The following IGSF21 variants were observed in gnomAD, a reference collection of about 807,000 sequenced individuals.
IGSF21 encodes the protein immunoglobin superfamily member 21, also known as immunoglobulin superfamily member 21.
Under a neutral mutation model 46.8 loss-of-function variants are expected in IGSF21, and 28 were observed. The ratio of observed to expected loss-of-function variants is 0.60; its 90% confidence interval spans 0.44 to 0.82. The LOEUF is 0.82. IGSF21 is among the 40% of genes least tolerant of loss of function. The probability of loss-of-function intolerance (pLI) is 0.00; values close to 1 mark genes in which losing one functional copy is unlikely to be tolerated. For missense variants in IGSF21, 624 were observed against 665.5 expected (o/e 0.94, Z 0.69); for synonymous variants, 284 against 273.6 (o/e 1.04, Z -0.38).
intron 1 of IGSF21, among the ~76,000 whole-genome samples, chr1:18,220,542 G>A (rs2084499480): frequency 6.6e-6 from 1 of 152,110 alleles, no homozygotes; most frequent in South Asian, 2.1e-4. Context: ...TCCAGGTGCT[G>A]TTCTAGGCAC....
At chr1:18,146,046 T>C (rs2086464287) in intron 1 of IGSF21, among the ~76,000 whole-genome samples, 1 of 152,134 alleles carries the variant, frequency 6.6e-6, no homozygotes, top group Non-Finnish European at 1.5e-5. Flanking sequence ...GTGTGACCTT[T>C]GGGCAAATAC....
At chr1:18,297,188 C>T (rs1448689432) in intron 3 of IGSF21, among the ~76,000 whole-genome samples, 2 of 152,120 alleles carry the variant, frequency 1.3e-5, no homozygotes, top group African/African-American at 4.8e-5. Context: ...CTCCCCAACC[C>T]CCAGGACAGC....
chr1:18,214,700 A>G (rs928938794), intron 1 of IGSF21, among the ~76,000 whole-genome samples: 16 of 152,114 alleles, frequency 1.1e-4, no homozygotes, highest in Admixed American at 9.2e-4. Context: ...GAGAGAGAGA[A>G]AGCGGGAGAG....
chr1:18,274,756 T>G (rs992911212), intron 2 of IGSF21, among the ~76,000 whole-genome samples: 2 of 152,240 alleles, frequency 1.3e-5, no homozygotes, highest in Admixed American at 6.5e-5. Context: ...CTGGGCATGG[T>G]GGCTCGCACT....
At chr1:18,181,831 C>T (rs752308439) in intron 1 of IGSF21, among the ~76,000 whole-genome samples, 17 of 152,152 alleles carry the variant, frequency 1.1e-4, no homozygotes, top group Non-Finnish European at 1.5e-4. Flanking sequence ...AGTAAGCACA[C>T]GTTCCCATCT....
At chr1:18,203,257 G>A (rs1363558580) in intron 1 of IGSF21, among the ~76,000 whole-genome samples, 1 of 152,160 alleles carries the variant, frequency 6.6e-6, no homozygotes, top group African/African-American at 2.4e-5. Context: ...TCAAGTCTAG[G>A]GACATGACTG....
intron 1 of IGSF21, chr1:18,176,101 G>A (rs553522659): frequency 1.2e-4 from 19 of 152,318 alleles, no homozygotes; most frequent in African/African-American, 4.6e-4. Flanking sequence ...GATGTCAAGG[G>A]CCTTAATTAC....
intron 3 of IGSF21, among the ~76,000 whole-genome samples, chr1:18,298,180 T>G (rs2085329113): frequency 6.6e-6 from 1 of 152,188 alleles, no homozygotes; most frequent in Non-Finnish European, 1.5e-5. Context: ...GTTCACTCTC[T>G]GTGCCCTAGA....
chr1:18,228,146 G>A, intron 2 of IGSF21, 136 bp downstream of exon 2: 1 of 660,668 alleles, frequency 1.5e-6, no homozygotes. Context: ...GGCATCTGCT[G>A]GGTCCCCGCC....
chr1:18,156,375 C>T (rs759219178), intron 1 of IGSF21, among the ~76,000 whole-genome samples: 21 of 152,320 alleles, frequency 1.4e-4, no homozygotes, highest in Middle Eastern at 3.4e-3. Flanking sequence ...GCCCACTCTG[C>T]GTCTCCTCCT....
chr1:18,221,652 T>C (rs1237432283), intron 1 of IGSF21, among the ~76,000 whole-genome samples: 1 of 152,176 alleles, frequency 6.6e-6, no homozygotes, highest in Non-Finnish European at 1.5e-5. Context: ...GGGAGAGTGA[T>C]GGCACCATCC....
At position 18,216,640 on chromosome 1, in the gene IGSF21, C is replaced by T. The variant is rs147414197; in HGVS notation, c.71-11258C>T. Among the ~76,000 whole-genome samples the T allele has an allele frequency of 3.5e-3, 534 of 152,142 alleles. 3 individuals are homozygous for T. The highest frequency in any genetic ancestry group is 6.1e-3 in the Non-Finnish European group (415 of 67,986). ...AGTTATTGGAGAAGCAGAATTGATCCGTCTTAGAGACTGATGACCTGTTAG... is the reference window on the plus strand; with the variant it reads ...AGTTATTGGAGAAGCAGAATTGATCTGTCTTAGAGACTGATGACCTGTTAG... On this transcript the variant is annotated intron_variant, in intron 1 of 9. Transcript: ENST00000251296.
chr1:18,252,142 C>A (rs1376676336), intron 2 of IGSF21, among the ~76,000 whole-genome samples: 1 of 148,932 alleles, frequency 6.7e-6, no homozygotes, highest in Non-Finnish European at 1.5e-5. Context: ...GCTCCGCCTC[C>A]TGGGTCCATG....
chr1:18,113,756 A>G (rs2124400203), intron 1 of IGSF21: 1 of 151,834 alleles, frequency 6.6e-6, no homozygotes, highest in South Asian at 2.1e-4. Flanking sequence ...TGCCCCTGGG[A>G]CCCCCAGGAA....
At chr1:18,278,119 G>GGCATCGAATAAATAAGGCTGTGTGGCT (rs2085120373) in intron 2 of IGSF21, among the ~76,000 whole-genome samples, 2 of 152,268 alleles carry the variant, frequency 1.3e-5, no homozygotes, top group Non-Finnish European at 1.5e-5. Context: ...CACTTTGGAA[G>GGCATCGAATAAATAAGGCTGTGTGGCT]GCATCGAATA....
At chr1:18,127,060 C>T (rs2086280006) in intron 1 of IGSF21, among the ~76,000 whole-genome samples, 2 of 152,200 alleles carry the variant, frequency 1.3e-5, no homozygotes, top group South Asian at 2.1e-4. Context: ...TGCTCATGTT[C>T]CATCTACCAG....
At chr1:18,243,036 G>C (rs951087745) in intron 2 of IGSF21, among the ~76,000 whole-genome samples, 3 of 152,180 alleles carry the variant, frequency 2.0e-5, no homozygotes, top group Admixed American at 2.0e-4. Flanking sequence ...GAAGGGTCAG[G>C]AAGAGGGGAG....
chr1:18,255,467 A>T (rs1468624764), intron 2 of IGSF21, among the ~76,000 whole-genome samples: 2 of 152,094 alleles, frequency 1.3e-5, no homozygotes, highest in Non-Finnish European at 2.9e-5. Context: ...TAAAGGCTCA[A>T]ATCCCTTCTC....
chr1:18,246,367 C>T (rs1250755742), intron 2 of IGSF21, among the ~76,000 whole-genome samples: 1 of 152,116 alleles, frequency 6.6e-6, no homozygotes, highest in Non-Finnish European at 1.5e-5. Context: ...ATTACTCCGT[C>T]TCATCACTGC....
Sources: gnomAD v4.1 joint callset for allele counts (sites outside exome capture counted in the v4.1 genomes callset) on GRCh38, gnomAD v4.1.1 for gene constraint, MANE v1.5 for transcripts, NCBI Gene and HGNC (gene_info 2026-07-23, HGNC 2026-07-21) for gene names.